Variants in SBK1 observed in about 807,000 individuals in gnomAD.
SBK1 encodes the protein serine/threonine-protein kinase SBK1.
A neutral mutation model predicts 24.4 loss-of-function variants in SBK1; 11 were observed. The ratio of observed to expected loss-of-function variants is 0.45; its 90% CI spans 0.28 to 0.75. SBK1 has a LOEUF of 0.75. Among genes scored for constraint, SBK1 ranks in the 30% least tolerant of loss-of-function variants. The pLI is 0.12. For synonymous variants in SBK1, 308 were observed against 284.4 expected (o/e 1.08, Z -0.83); for missense variants, 467 against 620.5 (o/e 0.75, Z 2.63).
rs762176492 is a variant in SBK1 at position 28,317,185 on chromosome 16, C to T, written c.-7-200C>T. Among the ~76,000 whole-genome samples, 6 of 152,190 alleles carry T rather than the reference C, an allele frequency of 3.9e-5. No homozygotes were observed. Among genetic ancestry groups the T allele is most frequent in the Admixed American group, 1.3e-4 (2 of 15,278 alleles). On this transcript the variant is annotated intron_variant, in intron 1 of 3. Coordinates refer to ENST00000341901, the MANE Select transcript of SBK1 (RefSeq NM_001024401.3). This position sits in a 1 kb window ranked among gnomAD's most constrained non-coding sequence, Gnocchi z 4.2. The stretch of plus-strand genomic sequence containing the variant: ...GCAGGGTCTGGCAGTGACTGGTCTT[C>T]GGGGAGCTGACTCAGGCCTGGCCCC...
intron 1 of SBK1, among the ~76,000 whole-genome samples, chr16:28,281,824 A>G (rs2044534776): frequency 6.6e-6 from 1 of 152,134 alleles, no homozygotes; most frequent in Admixed American, 6.5e-5. Context: ...GAGAAGCTGG[A>G]GAAGGGGAGG....
At chr16:28,283,427 G>C (rs912600356) in intron 1 of SBK1, among the ~76,000 whole-genome samples, 4 of 152,150 alleles carry the variant, frequency 2.6e-5, no homozygotes, top group Non-Finnish European at 5.9e-5. Flanking sequence ...GCCGTCTGCT[G>C]TGTTGGCCTC....
chr16:28,263,485 T>C (rs1168278198), intron 1 of SBK1, among the ~76,000 whole-genome samples: 3 of 151,982 alleles, frequency 2.0e-5, no homozygotes, highest in Non-Finnish European at 4.4e-5. Flanking sequence ...CAAAGCAAAT[T>C]GAGAGCAACA....
chr16:28,312,225 C>T (rs1299380225), intron 1 of SBK1, among the ~76,000 whole-genome samples: 2 of 152,238 alleles, frequency 1.3e-5, no homozygotes, highest in African/African-American at 4.8e-5. Flanking sequence ...CCACAGTCCA[C>T]ACAGAAAGGG....
intron 2 of SBK1, among the ~76,000 whole-genome samples, chr16:28,318,253 A>G (rs1321516764): frequency 6.6e-6 from 1 of 152,132 alleles, no homozygotes. Flanking sequence ...CCAGCCAGCC[A>G]GGGGCTGGGG....
rs1015250323 is a variant in SBK1, at chr16:28,322,356, C to G, written c.*1435C>G. On this transcript the variant is annotated 3_prime_UTR_variant, in exon 4 of 4. Coordinates refer to ENST00000341901, the MANE Select transcript of SBK1 (RefSeq NM_001024401.3). ...ACAGCAGCCCCGCCTGACCCCCTGC[C>G]CCTCTCTGTGGAGGCCCGGGACCCC... 3 of 152,632 alleles carry G rather than the reference C, an allele frequency of 2.0e-5. No homozygotes were observed. Among genetic ancestry groups the G allele is most frequent in the Non-Finnish European group, 4.4e-5 (3 of 68,260 alleles). The allele number at this position is 152,632 out of a possible 1,614,324, so 9.5% of individuals were successfully genotyped here. A position where few individuals can be genotyped will look rare whatever the true frequency, so the allele number is the denominator to read the frequency against.
chr16:28,318,723 G>A (rs1222227358), intron 2 of SBK1, among the ~76,000 whole-genome samples: 1 of 152,196 alleles, frequency 6.6e-6, no homozygotes, highest in Non-Finnish European at 1.5e-5. Context: ...TGGCGGGCAG[G>A]ACAAAATGAG....
At chr16:28,295,091 C>T (rs2044629177) in intron 1 of SBK1, among the ~76,000 whole-genome samples, 1 of 152,178 alleles carries the variant, frequency 6.6e-6, no homozygotes, top group Admixed American at 6.5e-5. Flanking sequence ...AGGGCTTTGT[C>T]ACACACCCCA....
At chr16:28,296,083 A>C (rs1596547629) in intron 1 of SBK1, among the ~76,000 whole-genome samples, 1 of 142,210 alleles carries the variant, frequency 7.0e-6, no homozygotes. Flanking sequence ...CCACCACCAC[A>C]TCCAGCTAAT....
At chr16:28,312,306 G>A (rs985447757) in intron 1 of SBK1, among the ~76,000 whole-genome samples, 8 of 152,306 alleles carry the variant, frequency 5.3e-5, no homozygotes, top group South Asian at 2.1e-4. Flanking sequence ...GTGTTGCCGC[G>A]GTCACCTCGG....
chr16:28,264,553 T>C (rs184408084), intron 1 of SBK1, among the ~76,000 whole-genome samples: 10 of 146,266 alleles, frequency 6.8e-5, no homozygotes, highest in African/African-American at 2.0e-4. Context: ...GCCTGGGCAA[T>C]AGAGCGAGAC....
chr16:28,318,538 A>G (rs1466103095), intron 2 of SBK1, among the ~76,000 whole-genome samples: 1 of 152,252 alleles, frequency 6.6e-6, no homozygotes, highest in African/African-American at 2.4e-5. Flanking sequence ...CCGTGGACAC[A>G]CATGTGTGCT....
At chr16:28,311,307 C>T (rs1196485942) in intron 1 of SBK1, among the ~76,000 whole-genome samples, 1 of 152,114 alleles carries the variant, frequency 6.6e-6, no homozygotes, top group African/African-American at 2.4e-5. Context: ...AGACAGGAGT[C>T]AGCACGTGTG....
chr16:28,288,891 T>G (rs1447470405), upstream of SBK1, among the ~76,000 whole-genome samples: 1 of 152,182 alleles, frequency 6.6e-6, no homozygotes, highest in Non-Finnish European at 1.5e-5. Context: ...ATACCCTCTT[T>G]GGGGACCAGG....
intron 1 of SBK1, among the ~76,000 whole-genome samples, chr16:28,276,585 G>A (rs2044494774): frequency 6.6e-6 from 1 of 152,188 alleles, no homozygotes; most frequent in South Asian, 2.1e-4. Context: ...CATCGTGGTG[G>A]TGGCAGAAGG....
At chr16:28,280,611 A>G (rs1200610361) in intron 1 of SBK1, among the ~76,000 whole-genome samples, 1 of 151,960 alleles carries the variant, frequency 6.6e-6, no homozygotes, top group African/African-American at 2.4e-5. Flanking sequence ...CCAGGTGTGG[A>G]TATCCTCTAT....
chr16:28,284,435 G>A (rs1001946513), intron 1 of SBK1, among the ~76,000 whole-genome samples: 1 of 152,244 alleles, frequency 6.6e-6, no homozygotes, highest in Non-Finnish European at 1.5e-5. Flanking sequence ...ATGGGCATGG[G>A]CGGGGTCAGG....
chr16:28,322,536 C>G lies in SBK1; in HGVS notation c.*1615C>G, dbSNP rs1251623481. On this transcript the variant is annotated 3_prime_UTR_variant, in exon 4 of 4. Transcript: ENST00000341901. ...TGGCTGGTGCCCCAACCTCTCCACT[C>G]CCCACTCATTCCCACCTTGAAAAAG... 6.5e-6 allele frequency: 1 copy of G among 152,952 alleles called. No homozygotes were observed. The highest frequency in any genetic ancestry group is 2.4e-5 in the African/African-American group (1 of 41,424). 9.5% of individuals were successfully genotyped at this position (152,952 alleles called of 1,614,324 possible).
At chr16:28,301,866 C>G (rs1384885593) in intron 1 of SBK1, among the ~76,000 whole-genome samples, 1 of 152,232 alleles carries the variant, frequency 6.6e-6, no homozygotes, top group Admixed American at 6.5e-5. Flanking sequence ...GTGGCACAAA[C>G]TGCCCAAGGT....
Sources: allele counts gnomAD v4.1 joint callset (sites outside exome capture counted in the v4.1 genomes callset), GRCh38; gene constraint gnomAD v4.1.1; non-coding constraint Gnocchi (gnomAD v3.1); transcripts MANE v1.5; gene names NCBI Gene and HGNC (gene_info 2026-07-23, HGNC 2026-07-21).